Variants in CDH13 observed in about 807,000 individuals in gnomAD.
CDH13 encodes cadherin 13.
CDH13 carries 24 observed loss-of-function variants against 63.8 expected under a neutral mutation model. The ratio of observed to expected loss-of-function variants is 0.38; its 90% confidence interval spans 0.27 to 0.53. The LOEUF is 0.53. Among genes scored for constraint, CDH13 ranks in the 20% least tolerant of loss-of-function variants. The probability of loss-of-function intolerance (pLI) is 0.85; values close to 1 mark genes in which losing one functional copy is unlikely to be tolerated. For synonymous variants in CDH13, 503 were observed against 355.3 expected, an observed-to-expected ratio of 1.42 and a Z score of -4.67; for missense variants, 1,049 against 903.1, an observed-to-expected ratio of 1.16 and a Z score of -2.07.
At chr16:83,507,578 A>C (rs1054172880) in intron 7 of CDH13, among the ~76,000 whole-genome samples, 3 of 152,210 alleles carry the variant, frequency 2.0e-5, no homozygotes, top group African/African-American at 7.2e-5. Flanking sequence ...TCCAAAGGTG[A>C]CTGGAATGCT....
chr16:83,622,662 A>G (rs1031451265), intron 8 of CDH13, among the ~76,000 whole-genome samples: 1 of 152,196 alleles, frequency 6.6e-6, no homozygotes, highest in African/African-American at 2.4e-5. Flanking sequence ...AATGAGGCTC[A>G]TTTTTACATT....
intron 3 of CDH13, among the ~76,000 whole-genome samples, chr16:83,071,484 C>T (rs2032434829): frequency 6.6e-6 from 1 of 152,142 alleles, no homozygotes; most frequent in African/African-American, 2.4e-5. Flanking sequence ...AGGGCCAGAC[C>T]CTTTGCTCTC....
At chr16:83,055,336 G>C (rs2030808123) in intron 3 of CDH13, among the ~76,000 whole-genome samples, 2 of 151,276 alleles carry the variant, frequency 1.3e-5, no homozygotes, top group Non-Finnish European at 3.0e-5. Context: ...TTTGTTCTTT[G>C]AAAGTTCTGT....
intron 6 of CDH13, among the ~76,000 whole-genome samples, chr16:83,356,211 CATGTGTGTGTGTGTGT>C (rs1385581934): frequency 8.6e-4 from 52 of 60,786 alleles, no homozygotes; most frequent in African/African-American, 2.9e-3. Flanking sequence ...TATTTATTTT[CATGTGTGTGTGTGTGT>C]GTGTGTGTGT....
chr16:82,876,282 T>A (rs2040499054), intron 2 of CDH13, among the ~76,000 whole-genome samples: 2 of 152,224 alleles, frequency 1.3e-5, no homozygotes, highest in Admixed American at 6.5e-5. Flanking sequence ...CAGACAGAAA[T>A]CTGTGAATTA....
intron 8 of CDH13, among the ~76,000 whole-genome samples, chr16:83,660,537 C>T (rs916373094): frequency 2.0e-5 from 3 of 152,212 alleles, no homozygotes; most frequent in Non-Finnish European, 4.4e-5. Context: ...CAGCTCACCT[C>T]CTTCTGTGTG....
intron 2 of CDH13, among the ~76,000 whole-genome samples, chr16:82,966,342 G>T (rs928628379): frequency 8.2e-6 from 1 of 121,860 alleles, no homozygotes; most frequent in Non-Finnish European, 1.9e-5. Context: ...GTAGAGATGG[G>T]GTTTCACTGT....
chr16:82,844,247 G>A lies in CDH13; in HGVS notation c.46-14115G>A, dbSNP rs75843788. On this transcript the variant is annotated intron_variant, in intron 1 of 13. Transcript: ENST00000567109. Reference sequence around the variant, plus strand: ...AGGCCATGCTGCTGGCTTGAATGAAGAAGGAGGCTGTGAACTAAAGGATGT... The same window carrying A: ...AGGCCATGCTGCTGGCTTGAATGAAAAAGGAGGCTGTGAACTAAAGGATGT... Among the ~76,000 whole-genome samples the A allele has an allele frequency of 3.3e-5, 5 of 152,272 alleles. No homozygotes were observed. The East Asian group carries it at 7.7e-4, about 24-fold the overall frequency.
intron 5 of CDH13, among the ~76,000 whole-genome samples, chr16:83,270,971 C>G (rs896642293): frequency 1.4e-5 from 2 of 147,258 alleles, no homozygotes; most frequent in Non-Finnish European, 3.0e-5. Context: ...TCCTCCCTCT[C>G]TCCTTCCCTT....
At chr16:83,004,214 G>C (rs980861303) in intron 2 of CDH13, among the ~76,000 whole-genome samples, 6 of 152,148 alleles carry the variant, frequency 3.9e-5, no homozygotes, top group Non-Finnish European at 1.5e-5. Flanking sequence ...CTTGCAGCGG[G>C]TTTTGTAGGA....
At chr16:82,924,332 C>T (rs1290306334) in intron 2 of CDH13, among the ~76,000 whole-genome samples, 1 of 152,104 alleles carries the variant, frequency 6.6e-6, no homozygotes, top group East Asian at 1.9e-4. Context: ...TCCCCCTCCT[C>T]CAATTCGTAA....
At chr16:82,672,627 C>T (rs71402029) in intron 1 of CDH13, among the ~76,000 whole-genome samples, 4 of 152,096 alleles carry the variant, frequency 2.6e-5, no homozygotes, top group Non-Finnish European at 5.9e-5. Context: ...CAGTCACCAA[C>T]TCCTATTATT....
At chr16:82,676,486 CTTTTTT>C (rs11330492) in intron 1 of CDH13, among the ~76,000 whole-genome samples, 5 of 96,340 alleles carry the variant, frequency 5.2e-5, no homozygotes, top group South Asian at 4.0e-4. Context: ...ACCATCATTT[CTTTTTT>C]TTTTTTTTTT....
intron 7 of CDH13, among the ~76,000 whole-genome samples, chr16:83,506,160 G>C (rs1206547512): frequency 1.3e-5 from 2 of 152,154 alleles, no homozygotes; most frequent in African/African-American, 4.8e-5. Flanking sequence ...GGAATAAAAA[G>C]GCCAAGGGGA....
intron 3 of CDH13, among the ~76,000 whole-genome samples, chr16:83,042,390 C>T (rs894314541): frequency 7.2e-5 from 11 of 152,152 alleles, no homozygotes; most frequent in African/African-American, 2.7e-4. Context: ...ATCTAGGTTG[C>T]ACCCTCCTTA....
intron 2 of CDH13, among the ~76,000 whole-genome samples, chr16:83,000,574 CTTTTTTT>C (rs561787532): frequency 1.0e-4 from 13 of 127,740 alleles, no homozygotes; most frequent in Middle Eastern, 3.9e-3. Flanking sequence ...TTTCTTTTCT[CTTTTTTT>C]TTTTTTTTTG....
intron 2 of CDH13, among the ~76,000 whole-genome samples, chr16:82,885,684 T>G (rs979056158): frequency 1.3e-5 from 2 of 152,202 alleles, no homozygotes; most frequent in Admixed American, 1.3e-4. Context: ...ATCTTTAAAA[T>G]GTAGTGCATT....
intron 3 of CDH13, among the ~76,000 whole-genome samples, chr16:83,114,521 C>A (rs1259801592): frequency 6.6e-6 from 1 of 152,190 alleles, no homozygotes; most frequent in African/African-American, 2.4e-5. Flanking sequence ...ACACCCCCTG[C>A]CATGAGATGA....
chr16:83,772,861 A>G (rs1198127489), intron 11 of CDH13: 1 of 152,270 alleles, frequency 6.6e-6, no homozygotes, highest in African/African-American at 2.4e-5. Flanking sequence ...CAACATCTGA[A>G]CATGTCAAAG....
Sources: allele counts gnomAD v4.1 joint callset (sites outside exome capture counted in the v4.1 genomes callset), GRCh38; gene constraint gnomAD v4.1.1; transcripts MANE v1.5; gene names NCBI Gene and HGNC (gene_info 2026-07-23, HGNC 2026-07-21).